The following C2CD5 variants were observed in gnomAD, a reference collection of about 807,000 sequenced individuals.
C2CD5 encodes the protein C2 calcium dependent domain containing 5.
In C2CD5, 109 loss-of-function variants were observed where a neutral mutation model predicts 130.3. The observed-to-expected ratio is 0.84, with a 90% CI of 0.72 to 0.98. C2CD5 has a LOEUF of 0.98. C2CD5 is among the 50% of genes least tolerant of loss of function. The pLI, the probability that C2CD5 is intolerant of heterozygous loss-of-function variation, is 0.00. For synonymous variants in C2CD5, 454 were observed against 429.2 expected (o/e 1.06, Z -0.71); for missense variants, 996 against 1,261.8 (o/e 0.79, Z 3.19).
intron 2 of C2CD5, among the ~76,000 whole-genome samples, chr12:22,539,377 T>C (rs917552111): frequency 6.6e-6 from 1 of 152,164 alleles, no homozygotes; most frequent in African/African-American, 2.4e-5. Context: ...GTTTCCTTCC[T>C]CTAGTCCTCC....
intron 8 of C2CD5, among the ~76,000 whole-genome samples, chr12:22,517,468 A>T (rs2136942409): frequency 6.6e-6 from 1 of 152,182 alleles, no homozygotes; most frequent in African/African-American, 2.4e-5. Flanking sequence ...AGAATAAGTA[A>T]AAATGCTATT....
chr12:22,524,342 C>G, intron 6 of C2CD5, 130 bp downstream of exon 6: 1 of 701,130 alleles, frequency 1.4e-6, no homozygotes, highest in African/African-American at 1.8e-5. Context: ...GAAGACTGGC[C>G]CAGGGGAAGG....
At chr12:22,465,477 G>A (rs1308151297) in intron 22 of C2CD5, among the ~76,000 whole-genome samples, 3 of 151,936 alleles carry the variant, frequency 2.0e-5, no homozygotes, top group Non-Finnish European at 2.9e-5. Flanking sequence ...CTACAATACA[G>A]CAACTAATAG....
chr12:22,480,002 A>C (rs1474736749), intron 14 of C2CD5, among the ~76,000 whole-genome samples: 1 of 152,198 alleles, frequency 6.6e-6, no homozygotes, highest in South Asian at 2.1e-4. Context: ...ATTGATGAAG[A>C]AATCTGCATA....
At chr12:22,538,614 T>G (rs771529722) in intron 2 of C2CD5, among the ~76,000 whole-genome samples, 1 of 152,248 alleles carries the variant, frequency 6.6e-6, no homozygotes, top group Admixed American at 6.5e-5. Context: ...ATTTTTGGAC[T>G]ACTCAGTAAT....
intron 9 of C2CD5, among the ~76,000 whole-genome samples, chr12:22,509,623 G>A (rs1948963957): frequency 6.6e-6 from 1 of 152,214 alleles, no homozygotes; most frequent in Non-Finnish European, 1.5e-5. Context: ...AAGAGCTACT[G>A]CTGAAATCTA....
chr12:22,461,125 A>G (rs1159113562), intron 22 of C2CD5, among the ~76,000 whole-genome samples: 1 of 152,188 alleles, frequency 6.6e-6, no homozygotes, highest in African/African-American at 2.4e-5. Context: ...CAGACCTGAC[A>G]TTCAGAGGCT....
At chr12:22,492,819 A>G (rs1199733895) in intron 11 of C2CD5, among the ~76,000 whole-genome samples, 1 of 152,174 alleles carries the variant, frequency 6.6e-6, no homozygotes, top group Non-Finnish European at 1.5e-5. Flanking sequence ...TTTATGGACA[A>G]ACTTTAAAGA....
At chr12:22,461,980 T>C (rs1565651697) in intron 22 of C2CD5, among the ~76,000 whole-genome samples, 1 of 152,152 alleles carries the variant, frequency 6.6e-6, no homozygotes, top group Non-Finnish European at 1.5e-5. Flanking sequence ...CTGGTTTGAA[T>C]ACCTCAAATG....
intron 17 of C2CD5, 181 bp downstream of exon 17, chr12:22,472,563 C>T: frequency 1.6e-6 from 1 of 634,356 alleles, no homozygotes; most frequent in Admixed American, 3.1e-5. Flanking sequence ...ATCACTTCCA[C>T]CTAAGTTCTA....
chr12:22,513,447 A>T (rs1372426663), intron 8 of C2CD5, 68 bp from the exon 9 acceptor site: 1 of 925,334 alleles, frequency 1.1e-6, no homozygotes, highest in Non-Finnish European at 1.8e-6. Context: ...AATTGCATTC[A>T]TCTTCATAAA....
chr12:22,530,847 T>C (rs1378388418), intron 3 of C2CD5, among the ~76,000 whole-genome samples: 1 of 152,170 alleles, frequency 6.6e-6, no homozygotes, highest in Non-Finnish European at 1.5e-5. Context: ...AGTAAGCTGC[T>C]TGAGTACTCA....
rs1379232871 is a variant in C2CD5 at position 22,449,696 on chromosome 12, TTAA to T, written c.*61_*63del. On this transcript the variant is annotated 3_prime_UTR_variant, in exon 27 of 27. Transcript: ENST00000446597. ...TTCAATTTTAAGTCTAAGAAGATAATTAATGACAAAATAACAGAGATTGATGAA... is the reference window on the plus strand; with the variant it reads ...TTCAATTTTAAGTCTAAGAAGATAATTGACAAAATAACAGAGATTGATGAA... 2.1e-6 allele frequency: 3 copies of T among 1,410,706 alleles called. No individual in the cohort carries two copies. In the East Asian group the frequency reaches 6.9e-5, roughly 33 times the overall value. The allele number at this position is 1,410,706 out of a possible 1,614,324, so 87.4% of individuals were successfully genotyped here.
At chr12:22,532,750 C>T (rs1344170791) in intron 3 of C2CD5, among the ~76,000 whole-genome samples, 4 of 152,178 alleles carry the variant, frequency 2.6e-5, no homozygotes, top group African/African-American at 9.7e-5. Flanking sequence ...CAAATCAATA[C>T]TTTCCTTCCC....
intron 9 of C2CD5, among the ~76,000 whole-genome samples, chr12:22,508,943 C>T (rs1302688168): frequency 6.6e-6 from 1 of 150,570 alleles, no homozygotes; most frequent in Non-Finnish European, 1.5e-5. Context: ...GTGGCGCAAT[C>T]TCGGCTCACT....
At chr12:22,504,238 TCCC>T (rs1948174341) in intron 10 of C2CD5, among the ~76,000 whole-genome samples, 1 of 151,910 alleles carries the variant, frequency 6.6e-6, no homozygotes, top group Non-Finnish European at 1.5e-5. Flanking sequence ...TCACCTGTTC[TCCC>T]AGACTCTATA....
At chr12:22,471,799 G>T (rs907500242) in intron 19 of C2CD5, among the ~76,000 whole-genome samples, 168 bp downstream of exon 19, 1 of 151,870 alleles carries the variant, frequency 6.6e-6, no homozygotes. Flanking sequence ...ATATAGTAAG[G>T]GGGAGAGGAC....
At chr12:22,485,344 CTAATGGGT>C (rs1371240530) in intron 12 of C2CD5, among the ~76,000 whole-genome samples, 3 of 151,706 alleles carry the variant, frequency 2.0e-5, no homozygotes, top group Non-Finnish European at 4.4e-5. Context: ...GTGGGGATGG[CTAATGGGT>C]ACAAAAAAAT....
chr12:22,505,794 A>G (rs1346404295), intron 10 of C2CD5, among the ~76,000 whole-genome samples: 3 of 152,188 alleles, frequency 2.0e-5, no homozygotes, highest in South Asian at 2.1e-4. Context: ...GTAAGCTACT[A>G]TTCTTACTCG....
Sources: allele counts gnomAD v4.1 joint callset (sites outside exome capture counted in the v4.1 genomes callset), GRCh38; gene constraint gnomAD v4.1.1; transcripts MANE v1.5; gene names NCBI Gene and HGNC (gene_info 2026-07-23, HGNC 2026-07-21).